Variants in SLC26A7 observed in about 807,000 individuals in gnomAD.
The protein encoded by SLC26A7 is solute carrier family 26 member 7, also known as anion exchange transporter.
SLC26A7 carries 59 observed loss-of-function variants against 82.5 expected under a neutral mutation model. The ratio of observed to expected loss-of-function variants is 0.72; its 90% CI spans 0.58 to 0.89. The LOEUF (loss-of-function observed/expected upper bound fraction) is 0.89, where lower values mean the gene tolerates loss of function less well. SLC26A7 is among the 40% of genes least tolerant of loss of function. The pLI is 0.00. For synonymous variants in SLC26A7, 271 were observed against 274.3 expected, an observed-to-expected ratio of 0.99 and a Z score of 0.12; for missense variants, 820 against 793.0, an observed-to-expected ratio of 1.03 and a Z score of -0.41.
At chr8:91,335,025 T>C (rs1813202177) in intron 6 of SLC26A7, among the ~76,000 whole-genome samples, 1 of 152,128 alleles carries the variant, frequency 6.6e-6, no homozygotes, top group Non-Finnish European at 1.5e-5. Flanking sequence ...CATTAGAAAA[T>C]ATGTTTTGAA....
intron 2 of SLC26A7, among the ~76,000 whole-genome samples, chr8:91,284,839 G>T (rs1174621372): frequency 1.3e-5 from 2 of 152,156 alleles, no homozygotes; most frequent in Non-Finnish European, 2.9e-5. Context: ...AAGTACAAAG[G>T]TTGTAATATT....
intron 2 of SLC26A7, among the ~76,000 whole-genome samples, chr8:91,284,071 TATAG>T (rs1173728875): frequency 3.3e-5 from 5 of 152,332 alleles, no homozygotes; most frequent in African/African-American, 9.6e-5. Context: ...TATATACATA[TATAG>T]ATAGATACAT....
intron 6 of SLC26A7, among the ~76,000 whole-genome samples, chr8:91,335,903 T>G (rs76272820): frequency 0.02 from 3,008 of 152,278 alleles, 33 homozygotes; most frequent in Non-Finnish European, 0.03. Flanking sequence ...AGCCTCTTGC[T>G]CTGCTCCCTC....
chr8:91,229,119 C>T (rs1810278913), intron 2 of SLC26A7, among the ~76,000 whole-genome samples: 1 of 152,122 alleles, frequency 6.6e-6, no homozygotes, highest in Non-Finnish European at 1.5e-5. Flanking sequence ...TCGAATCCTG[C>T]CAGTCTCTCT....
At position 91,338,237 on chromosome 8, in the gene SLC26A7, T is replaced by C. The variant is rs766944083; in HGVS notation, c.878+5T>C. 7 of 1,586,432 alleles carry C rather than the reference T, an allele frequency of 4.4e-6. No individual in the cohort carries two copies. Among genetic ancestry groups the C allele is most frequent in the Non-Finnish European group, 5.1e-6 (6 of 1,167,140 alleles). ...AGTTGGTCATATTCCACAAGGGTAATGTAGTCCTTTTTAAAAACATATTAT... is the reference window on the plus strand; with the variant it reads ...AGTTGGTCATATTCCACAAGGGTAACGTAGTCCTTTTTAAAAACATATTAT... On this transcript the variant is annotated splice_donor_5th_base_variant and intron_variant, in intron 7 of 18. Transcript: ENST00000276609.
intron 2 of SLC26A7, among the ~76,000 whole-genome samples, chr8:91,267,434 A>G (rs1404255229): frequency 2.0e-5 from 3 of 151,802 alleles, no homozygotes; most frequent in African/African-American, 7.2e-5. Context: ...CCTTAATTCC[A>G]TTACTAATTA....
chr8:91,249,811 G>A lies in SLC26A7; in HGVS notation c.160G>A (p.Gly54Arg). 1 of 1,607,906 alleles carries A rather than the reference G, an allele frequency of 6.2e-7. No homozygotes were observed. The highest frequency in any genetic ancestry group is 8.5e-7 in the Non-Finnish European group (1 of 1,177,932). ...KENLLPDTVS[G>R]IMLAVQQVTQ... is the part of the protein sequence containing the mutation. ...AAACTTGCTTCCAGACACTGTGTCTGGGATAATGTTGGCAGTTCAACAGGT... is the reference window on the plus strand; with the variant it reads ...AAACTTGCTTCCAGACACTGTGTCTAGGATAATGTTGGCAGTTCAACAGGT... Residue 54 changes from glycine to arginine, a missense_variant, in exon 2 of 19, where the codon GGG becomes AGG. Physicochemically the swap from Gly to Arg is moderately radical, Grantham distance 125. Coordinates refer to ENST00000276609, the MANE Select transcript of SLC26A7 (RefSeq NM_052832.4).
Position 91,338,137 on chromosome 8 carries a change from T to A in SLC26A7, c.796-13T>A. On this transcript the variant is annotated splice_polypyrimidine_tract_variant and intron_variant, in intron 6 of 18. Coordinates refer to ENST00000276609, the MANE Select transcript of SLC26A7 (RefSeq NM_052832.4). ...TGTATATATTTTTTCTTTTTTCAAATGGAACCACACAGATTATTGCTGCAT... is the reference window on the plus strand; with the variant it reads ...TGTATATATTTTTTCTTTTTTCAAAAGGAACCACACAGATTATTGCTGCAT... 1 of 1,584,966 alleles carries A rather than the reference T, an allele frequency of 6.3e-7. No homozygotes were observed. The highest frequency in any genetic ancestry group is 8.5e-7 in the Non-Finnish European group (1 of 1,170,540).
intron 5 of SLC26A7, among the ~76,000 whole-genome samples, chr8:91,327,025 G>A (rs946233952): frequency 3.3e-5 from 5 of 152,022 alleles, no homozygotes; most frequent in South Asian, 4.2e-4. Context: ...TCTTGTGGTC[G>A]ATCCTTTACT....
Position 91,354,896 on chromosome 8 carries a change from C to T in SLC26A7, c.1314+1900C>T, listed in dbSNP as rs1022264467. ...TTATTTAGATGCATTTAGTGGTTAC[C>T]TTTAATCTTTTTTTTTAAAAAAAGG... On this transcript the variant is annotated intron_variant, in intron 11 of 18. Transcript: ENST00000276609. 3.3e-5 allele frequency among the ~76,000 whole-genome samples: 5 copies of T among 151,740 alleles called. No individual in the cohort carries two copies. The East Asian group carries it at 9.7e-4, about 29-fold the overall frequency.
rs547134158 is a variant in SLC26A7, at chr8:91,398,112, T to G, written c.*3015T>G. ...TACTAACTCAGCATGTAACAACCAA[T>G]TTACATGGAAATAAATCGAAATATG... On this transcript the variant is annotated 3_prime_UTR_variant, in exon 19 of 19. Coordinates refer to ENST00000276609, the MANE Select transcript of SLC26A7 (RefSeq NM_052832.4). 4.6e-5 allele frequency: 7 copies of G among 152,660 alleles called. No individual in the cohort carries two copies. In the South Asian group the frequency reaches 1.4e-3, roughly 32 times the overall value. The allele number at this position is 152,660 out of a possible 1,614,324, so 9.5% of individuals were successfully genotyped here.
At chr8:91,293,789 T>C (rs1811941522) in intron 3 of SLC26A7, among the ~76,000 whole-genome samples, 1 of 152,200 alleles carries the variant, frequency 6.6e-6, no homozygotes, top group Non-Finnish European at 1.5e-5. Context: ...AACATTTTGC[T>C]CTGTGCTCTA....
At chr8:91,340,303 C>A in intron 7 of SLC26A7, 101 bp from the exon 8 acceptor site, 1 of 1,413,004 alleles carries the variant, frequency 7.1e-7, no homozygotes, top group South Asian at 1.3e-5. Flanking sequence ...TTCACTTAGT[C>A]TATGTAAACT....
chr8:91,298,730 G>A (rs1244095199), intron 4 of SLC26A7, among the ~76,000 whole-genome samples: 2 of 152,138 alleles, frequency 1.3e-5, no homozygotes, highest in African/African-American at 4.8e-5. Flanking sequence ...AGATGGGACT[G>A]TAAAAGAAAG....
At chr8:91,235,726 A>G (rs1319413792) in intron 2 of SLC26A7, among the ~76,000 whole-genome samples, 1 of 152,246 alleles carries the variant, frequency 6.6e-6, no homozygotes, top group Non-Finnish European at 1.5e-5. Flanking sequence ...AATACTTCCA[A>G]CAATCATTGA....
chr8:91,236,595 G>A (rs1004531178), intron 2 of SLC26A7, among the ~76,000 whole-genome samples: 1 of 151,414 alleles, frequency 6.6e-6, no homozygotes, highest in Non-Finnish European at 1.5e-5. Flanking sequence ...ATTTTATCCA[G>A]GTGTTCTTAA....
At chr8:91,374,823 T>G (rs1281900084) in intron 15 of SLC26A7, among the ~76,000 whole-genome samples, 4 of 152,112 alleles carry the variant, frequency 2.6e-5, no homozygotes, top group Non-Finnish European at 5.9e-5. Context: ...GTGCTGCCAG[T>G]GTGATATTGA....
chr8:91,331,696 CAT>C (rs1248285096), intron 5 of SLC26A7, among the ~76,000 whole-genome samples: 4 of 152,172 alleles, frequency 2.6e-5, no homozygotes, highest in Non-Finnish European at 5.9e-5. Context: ...AGCTAATTAA[CAT>C]ATCTATTGCC....
At chr8:91,244,396 C>G (rs527684275), upstream of SLC26A7, among the ~76,000 whole-genome samples, 1 of 150,378 alleles carries the variant, frequency 6.6e-6, no homozygotes, top group South Asian at 2.1e-4. Context: ...CTCTTTCCCT[C>G]TTTTCATTCT....
Sources: allele counts gnomAD v4.1 joint callset (sites outside exome capture counted in the v4.1 genomes callset), GRCh38; gene constraint gnomAD v4.1.1; transcripts MANE v1.5; gene names NCBI Gene and HGNC (gene_info 2026-07-23, HGNC 2026-07-21).